CNKSR3: variants seen among roughly 807,000 people sequenced by gnomAD.
CNKSR3 encodes connector enhancer of kinase suppressor of ras 3.
In CNKSR3, 36 loss-of-function variants were observed where a neutral mutation model predicts 67.7. That is an observed-to-expected ratio of 0.53 (90% confidence interval 0.41 to 0.70). The LOEUF (loss-of-function observed/expected upper bound fraction) is 0.70. Ranked by LOEUF, CNKSR3 falls within the 30% of genes least tolerant of loss-of-function variation. CNKSR3 has a pLI of 0.00. For synonymous variants in CNKSR3, 281 were observed against 271.4 expected (o/e 1.04, Z -0.35); for missense variants, 630 against 695.2 (o/e 0.91, Z 1.05).
Position 154,423,121 on chromosome 6 carries a change from C to G in CNKSR3, c.730-138G>C, listed in dbSNP as rs968885690. ...GAAAAATAAAACAATGCACTTTATT[C>G]CCCTGAGACTACACAGTCTATAGGA... On this transcript the variant is annotated intron_variant, in intron 7 of 12. Transcript: ENST00000607772. The G allele has an allele frequency of 1.1e-5, 7 of 633,312 alleles. No individual in the cohort carries two copies. In the East Asian group the frequency reaches 1.9e-4, roughly 17 times the overall value. 39.2% of individuals were successfully genotyped at this position (633,312 alleles called of 1,614,324 possible).
rs1227838719 is a variant in CNKSR3 at position 154,510,207 on chromosome 6, C to T, written c.-93G>A. 1.4e-6 allele frequency: 2 copies of T among 1,471,512 alleles called. No individual in the cohort carries two copies. Among genetic ancestry groups the T allele is most frequent in the East Asian group, 2.3e-5 (1 of 44,066 alleles). The allele number at this position is 1,471,512 out of a possible 1,614,324, so 91.2% of individuals were successfully genotyped here. A position where few individuals can be genotyped will look rare whatever the true frequency, so the allele number is the denominator to read the frequency against. ...GCCCCTTCCCGGGAGGGCGCGCCCGCGGCTGCTCCCCTGCGCCCGAGCGAC... is the reference window on the plus strand; with the variant it reads ...GCCCCTTCCCGGGAGGGCGCGCCCGTGGCTGCTCCCCTGCGCCCGAGCGAC... On this transcript the variant is annotated 5_prime_UTR_variant, in exon 1 of 13. Coordinates refer to ENST00000607772, the MANE Select transcript of CNKSR3 (RefSeq NM_173515.4).
chr6:154,441,963 T>C lies in CNKSR3; in HGVS notation c.419+125A>G, dbSNP rs546806056. ...AAATCTACCACTGATCGAGGACTCCTTAAGAGCCGGTAAAAATGATATGAA... is the reference window on the plus strand; with the variant it reads ...AAATCTACCACTGATCGAGGACTCCCTAAGAGCCGGTAAAAATGATATGAA... On this transcript the variant is annotated intron_variant, in intron 3 of 12. Transcript: ENST00000607772. The C allele has an allele frequency of 7.6e-6, 7 of 922,836 alleles. No homozygotes were observed. The Admixed American group carries it at 8.9e-5, about 12-fold the overall frequency. The allele number at this position is 922,836 out of a possible 1,614,324, so 57.2% of individuals were successfully genotyped here. A position where few individuals can be genotyped will look rare whatever the true frequency, so the allele number is the denominator to read the frequency against.
chr6:154,453,389 TAG>T (rs1278249170), intron 1 of CNKSR3, among the ~76,000 whole-genome samples: 1 of 152,178 alleles, frequency 6.6e-6, no homozygotes, highest in Non-Finnish European at 1.5e-5. Flanking sequence ...AACAAATGAT[TAG>T]AGATTGAGAA....
At chr6:154,509,468 G>GCCTC (rs895978990) in intron 1 of CNKSR3, among the ~76,000 whole-genome samples, 1 of 152,188 alleles carries the variant, frequency 6.6e-6, no homozygotes, top group African/African-American at 2.4e-5. Context: ...AAAAGTCACT[G>GCCTC]CCTCCCGGGG....
chr6:154,445,800 G>C (rs185580530), intron 2 of CNKSR3, among the ~76,000 whole-genome samples: 7 of 152,170 alleles, frequency 4.6e-5, no homozygotes, highest in African/African-American at 1.7e-4. Flanking sequence ...CTAGAAAGAT[G>C]AATAAATATA....
At position 154,501,493 on chromosome 6, in the gene CNKSR3, A is replaced by G. The variant is rs1786993058; in HGVS notation, c.52+8570T>C. Among the ~76,000 whole-genome samples the G allele has an allele frequency of 2.0e-5, 3 of 151,888 alleles. No homozygotes were observed. The South Asian group carries it at 6.2e-4, about 32-fold the overall frequency. ...ACCCATCACCCCCACCCTCGCTCTC[A>G]TGACCCCACCACAACTTCCTTTTCT... On this transcript the variant is annotated intron_variant, in intron 1 of 12. Coordinates refer to ENST00000607772, the MANE Select transcript of CNKSR3 (RefSeq NM_173515.4).
intron 6 of CNKSR3, among the ~76,000 whole-genome samples, chr6:154,430,112 C>A (rs572974331): frequency 2.0e-5 from 3 of 152,288 alleles, no homozygotes; most frequent in Admixed American, 2.0e-4. Context: ...TCAGCCAGTC[C>A]CTTCTCACAT....
intron 1 of CNKSR3, among the ~76,000 whole-genome samples, chr6:154,479,060 G>A (rs888905117): frequency 3.5e-5 from 5 of 142,892 alleles, no homozygotes; most frequent in Non-Finnish European, 6.1e-5. Flanking sequence ...ATTCTTTTCT[G>A]GTTTTGTTTT....
At chr6:154,490,665 G>A (rs1168953644) in intron 1 of CNKSR3, among the ~76,000 whole-genome samples, 1 of 152,032 alleles carries the variant, frequency 6.6e-6, no homozygotes, top group East Asian at 1.9e-4. Context: ...TCCCACTCCC[G>A]ACTCTCCAGC....
intron 1 of CNKSR3, among the ~76,000 whole-genome samples, chr6:154,477,609 C>T (rs1312108399): frequency 1.3e-5 from 2 of 152,098 alleles, no homozygotes; most frequent in East Asian, 1.9e-4. Flanking sequence ...AAGTGAGCCA[C>T]GGTGTCTGGC....
intron 1 of CNKSR3, among the ~76,000 whole-genome samples, chr6:154,470,944 G>A (rs1341027781): frequency 6.6e-6 from 1 of 152,140 alleles, no homozygotes. Context: ...ACCAACACTA[G>A]TTATCATCCA....
intron 1 of CNKSR3, among the ~76,000 whole-genome samples, chr6:154,467,996 G>A (rs1786239708): frequency 6.6e-6 from 1 of 151,210 alleles, no homozygotes. Context: ...CTGACCTCAG[G>A]TGATTTGCCT....
intron 1 of CNKSR3, among the ~76,000 whole-genome samples, chr6:154,498,797 T>C (rs1786927213): frequency 6.6e-6 from 1 of 152,258 alleles, no homozygotes. Flanking sequence ...AAGAGCTTTT[T>C]GCTTTGAAAT....
At position 154,441,292 on chromosome 6, in the gene CNKSR3, C is replaced by T; in HGVS notation, c.507G>A (p.Lys169=). Residue 169 remains lysine, a splice_region_variant and synonymous_variant, in exon 4 of 13, where the codon AAG becomes AAA. Coordinates refer to ENST00000607772, the MANE Select transcript of CNKSR3 (RefSeq NM_173515.4). The part of the protein sequence containing the change: ...LCLDLTTTVQ[K]DCFVAEMEDK... ...AAAGTGAAAATGACATACTACTGAC[C>T]TTCTGGACTGTAGTGGTCAGGTCCA... is the stretch of plus-strand genomic sequence containing the variant. 1 of 1,557,294 alleles carries T rather than the reference C, an allele frequency of 6.4e-7. No individual in the cohort carries two copies. Among genetic ancestry groups the T allele is most frequent in the Non-Finnish European group, 8.8e-7 (1 of 1,132,218 alleles).
intron 9 of CNKSR3, among the ~76,000 whole-genome samples, chr6:154,420,323 T>G (rs1785114471): frequency 6.6e-6 from 1 of 151,416 alleles, no homozygotes; most frequent in African/African-American, 2.4e-5. Context: ...GGTCAAAGGG[T>G]ACAAAGTTTC....
chr6:154,508,346 T>C (rs1787144272), intron 1 of CNKSR3, among the ~76,000 whole-genome samples: 1 of 152,210 alleles, frequency 6.6e-6, no homozygotes, highest in Non-Finnish European at 1.5e-5. Flanking sequence ...AGTCTTCAAA[T>C]GCCATGTGTA....
intron 2 of CNKSR3, among the ~76,000 whole-genome samples, chr6:154,448,034 A>G (rs932598516): frequency 6.6e-6 from 1 of 152,166 alleles, no homozygotes; most frequent in Non-Finnish European, 1.5e-5. Context: ...CCCCTGTCCA[A>G]TGTAGTCACT....
At chr6:154,417,680 G>A (rs1362849985) in intron 9 of CNKSR3, among the ~76,000 whole-genome samples, 1 of 152,080 alleles carries the variant, frequency 6.6e-6, no homozygotes, top group East Asian at 1.9e-4. Context: ...TCATTAGGGT[G>A]GGCTCAATCT....
At chr6:154,421,076 C>T (rs963954508) in intron 9 of CNKSR3, among the ~76,000 whole-genome samples, 4 of 152,276 alleles carry the variant, frequency 2.6e-5, no homozygotes, top group South Asian at 2.1e-4. Context: ...TGTAGTGCCG[C>T]GATCTCAGCT....
Sources: gnomAD v4.1 joint callset for allele counts (sites outside exome capture counted in the v4.1 genomes callset) on GRCh38, gnomAD v4.1.1 for gene constraint, MANE v1.5 for transcripts, NCBI Gene and HGNC (gene_info 2026-07-23, HGNC 2026-07-21) for gene names.